DNAH9: variants seen among roughly 807,000 people sequenced by gnomAD.
DNAH9 encodes dynein axonemal heavy chain 9, also known as DNAH9 variant protein.
DNAH9 carries 345 observed loss-of-function variants against 471.6 expected under a neutral mutation model. The observed-to-expected ratio is 0.73, with a 90% confidence interval of 0.67 to 0.80. The LOEUF is 0.80. Ranked by LOEUF, DNAH9 falls within the 30% of genes least tolerant of loss-of-function variation. The pLI is 0.00. For missense variants in DNAH9, 5,407 were observed against 5,609.2 expected, an observed-to-expected ratio of 0.96 and a Z score of 1.15; for synonymous variants, 2,093 against 2,123.6, an observed-to-expected ratio of 0.99 and a Z score of 0.40.
At position 11,608,225 on chromosome 17, in the gene DNAH9, G is replaced by T. The variant is rs748500569; in HGVS notation, c.514G>T (p.Asp172Tyr). 6.2e-7 allele frequency: 1 copy of T among 1,614,050 alleles called. No homozygotes were observed. The highest frequency in any genetic ancestry group is 8.5e-7 in the Non-Finnish European group (1 of 1,179,926). Residue 172 changes from aspartate (D) to tyrosine (Y), a missense_variant, in exon 2 of 69, where the codon GAC becomes TAC. Around this residue, in one of 3 missense-constraint regions of DNAH9, gnomAD observed 767 missense variants for 692.5 expected, o/e 1.11. Coordinates refer to ENST00000262442, the MANE Select transcript of DNAH9 (RefSeq NM_001372.4). Reference sequence around the variant, plus strand: ...GCGGCACGCCCACAGCCTCCAATGTGACCTCTCAGTTATACTTGAGCAAGT... The same window carrying T: ...GCGGCACGCCCACAGCCTCCAATGTTACCTCTCAGTTATACTTGAGCAAGT... ...VRRHAHSLQCDLSVILEQVKG... is the reference protein window; with the variant it reads ...VRRHAHSLQCYLSVILEQVKG...
intron 28 of DNAH9, among the ~76,000 whole-genome samples, chr17:11,728,957 G>A (rs2075207859): frequency 6.6e-6 from 1 of 152,226 alleles, no homozygotes; most frequent in African/African-American, 2.4e-5. Flanking sequence ...AGGTGCAGAT[G>A]TGGGCACTGA....
chr17:11,861,384 A>G (rs1400456948), intron 50 of DNAH9, among the ~76,000 whole-genome samples: 2 of 150,834 alleles, frequency 1.3e-5, no homozygotes, highest in Non-Finnish European at 3.0e-5. Flanking sequence ...ATAGTATTCC[A>G]TGGTGTATAT....
At chr17:11,954,130 T>C (rs1013712457) in intron 67 of DNAH9, 2 of 151,592 alleles carry the variant, frequency 1.3e-5, no homozygotes, top group African/African-American at 2.4e-5. Context: ...CTAACATACA[T>C]GTAATTGGTG....
At chr17:11,819,444 G>C (rs1353345054) in intron 45 of DNAH9, among the ~76,000 whole-genome samples, 1 of 151,144 alleles carries the variant, frequency 6.6e-6, no homozygotes, top group East Asian at 1.9e-4. Context: ...TTGAGACGAA[G>C]TCTTGCTCTG....
intron 38 of DNAH9, among the ~76,000 whole-genome samples, chr17:11,775,796 G>A (rs1968405995): frequency 6.6e-6 from 1 of 151,814 alleles, no homozygotes; most frequent in African/African-American, 2.4e-5. Flanking sequence ...AGTAGAGACG[G>A]GATTTCACCG....
intron 29 of DNAH9, among the ~76,000 whole-genome samples, chr17:11,741,647 C>T (rs931899631): frequency 6.6e-6 from 1 of 151,888 alleles, no homozygotes; most frequent in African/African-American, 2.4e-5. Context: ...TACTTTAGGC[C>T]TCATCAAGAG....
Position 11,716,993 on chromosome 17 carries a change from G to T in DNAH9, c.5553-2341G>T, listed in dbSNP as rs180951044. 5.3e-5 allele frequency among the ~76,000 whole-genome samples: 8 copies of T among 152,232 alleles called. No individual in the cohort carries two copies. The East Asian group carries it at 1.5e-3, about 29-fold the overall frequency. ...CAAGAGCCCAGGAGGGCAGGTTCAG[G>T]TGAGGCCACGCATAGGGCTCCATGA... On this transcript the variant is annotated intron_variant, in intron 26 of 68. Coordinates refer to ENST00000262442, the MANE Select transcript of DNAH9 (RefSeq NM_001372.4).
intron 41 of DNAH9, among the ~76,000 whole-genome samples, chr17:11,785,645 C>T (rs1469591242): frequency 6.6e-6 from 1 of 152,186 alleles, no homozygotes; most frequent in East Asian, 1.9e-4. Flanking sequence ...CACATCCAGG[C>T]TAGTTCAGGA....
chr17:11,893,178 C>CA (rs58420771), intron 58 of DNAH9, among the ~76,000 whole-genome samples: 970 of 95,174 alleles, frequency 0.01, 25 homozygotes, highest in African/African-American at 0.034. Flanking sequence ...TTGGCCTTTG[C>CA]AAAAAAAAAA....
intron 1 of DNAH9, among the ~76,000 whole-genome samples, chr17:11,604,947 C>T (rs1597381049): frequency 6.6e-6 from 1 of 152,274 alleles, no homozygotes; most frequent in East Asian, 1.9e-4. Flanking sequence ...CACTCCTTTG[C>T]TCAAAACTTT....
At chr17:11,694,974 C>T (rs7208655) in intron 22 of DNAH9, among the ~76,000 whole-genome samples, 112,954 of 145,074 alleles carry the variant, frequency 0.78, 44,630 homozygotes, top group East Asian at 0.9. Flanking sequence ...CTGCAACCTC[C>T]GCCTCCTGGG....
chr17:11,710,759 A>C (rs183244511), intron 26 of DNAH9, among the ~76,000 whole-genome samples: 15 of 152,266 alleles, frequency 9.9e-5, no homozygotes, highest in African/African-American at 3.6e-4. Flanking sequence ...AGCCTAGTTT[A>C]TTTTAATTTT....
chr17:11,767,599 C>CT (rs916869358), intron 36 of DNAH9, among the ~76,000 whole-genome samples: 14 of 151,324 alleles, frequency 9.3e-5, no homozygotes, highest in African/African-American at 2.9e-4. Context: ...CAATATGGGA[C>CT]TTTTTTTTTC....
chr17:11,708,004 CACACACACACAG>C (rs1178487407), intron 26 of DNAH9, among the ~76,000 whole-genome samples: 134 of 49,012 alleles, frequency 2.7e-3, no homozygotes, highest in African/African-American at 5.8e-3. Context: ...CACACACACA[CACACACACACAG>C]AGAGAGAGAG....
chr17:11,904,357 A>G (rs1204698592), intron 60 of DNAH9, among the ~76,000 whole-genome samples: 1 of 152,126 alleles, frequency 6.6e-6, no homozygotes, highest in Non-Finnish European at 1.5e-5. Flanking sequence ...GGGGCCAGGC[A>G]CAGTGGCTCA....
intron 58 of DNAH9, among the ~76,000 whole-genome samples, chr17:11,893,827 A>G (rs1015918503): frequency 1.3e-5 from 2 of 152,350 alleles, no homozygotes; most frequent in East Asian, 1.9e-4. Flanking sequence ...ATGTACATCT[A>G]TGTAACAAAC....
chr17:11,893,137 C>A (rs1280953022), intron 58 of DNAH9, among the ~76,000 whole-genome samples: 2 of 135,542 alleles, frequency 1.5e-5, no homozygotes, highest in Non-Finnish European at 3.1e-5. Flanking sequence ...CTCTCACCCC[C>A]TATATTCCCC....
intron 45 of DNAH9, among the ~76,000 whole-genome samples, chr17:11,812,437 T>C (rs907324366): frequency 4.6e-5 from 7 of 152,072 alleles, no homozygotes; most frequent in African/African-American, 1.7e-4. Context: ...TTGTAAGTAA[T>C]ATATTTTAGG....
intron 27 of DNAH9, among the ~76,000 whole-genome samples, chr17:11,725,539 G>A (rs1304678796): frequency 1.3e-5 from 2 of 149,972 alleles, no homozygotes; most frequent in Non-Finnish European, 3.0e-5. Context: ...GAAGCTCAGT[G>A]AAAGGTGGGT....
Sources: allele counts gnomAD v4.1 joint callset (sites outside exome capture counted in the v4.1 genomes callset), GRCh38; gene constraint gnomAD v4.1.1; regional missense constraint gnomAD v4.1.1; transcripts MANE v1.5; gene names NCBI Gene and HGNC (gene_info 2026-07-23, HGNC 2026-07-21).